WDR64: variants seen among roughly 807,000 people sequenced by gnomAD.
The protein encoded by WDR64 is WD repeat domain 64.
A neutral mutation model predicts 139.3 loss-of-function variants in WDR64; 112 were observed. The observed-to-expected ratio is 0.80, with a 90% confidence interval of 0.69 to 0.94. The LOEUF (loss-of-function observed/expected upper bound fraction) is 0.94. Among genes scored for constraint, WDR64 ranks in the 40% least tolerant of loss-of-function variants. The probability of loss-of-function intolerance (pLI) is 0.00; values close to 1 mark genes in which losing one functional copy is unlikely to be tolerated. For missense variants in WDR64, 1,206 were observed against 1,293.1 expected, an observed-to-expected ratio of 0.93 and a Z score of 1.03; for synonymous variants, 444 against 437.7, an observed-to-expected ratio of 1.01 and a Z score of -0.18.
intron 25 of WDR64, among the ~76,000 whole-genome samples, chr1:241,794,776 G>A (rs548439640): frequency 3.4e-4 from 51 of 152,020 alleles, no homozygotes; most frequent in African/African-American, 1.2e-3. Flanking sequence ...GAAAGTGCTG[G>A]GATTACAGGC....
chr1:241,654,421 T>C (rs372766552), intron 1 of WDR64, among the ~76,000 whole-genome samples: 96 of 152,388 alleles, frequency 6.3e-4, no homozygotes, highest in African/African-American at 1.9e-3. Flanking sequence ...TAAGCTAATA[T>C]AGTTGCCAAA....
At chr1:241,661,281 A>G (rs1157111852) in intron 2 of WDR64, among the ~76,000 whole-genome samples, 1 of 152,002 alleles carries the variant, frequency 6.6e-6, no homozygotes, top group African/African-American at 2.4e-5. Flanking sequence ...ACACAGGAAA[A>G]ATACATCTCT....
intron 15 of WDR64, among the ~76,000 whole-genome samples, chr1:241,762,219 C>T (rs897558780): frequency 4.6e-5 from 7 of 152,136 alleles, no homozygotes; most frequent in Non-Finnish European, 8.8e-5. Context: ...ACTGTATTCA[C>T]CGGCATGAAA....
At chr1:241,777,215 T>G (rs770829995) in intron 21 of WDR64, among the ~76,000 whole-genome samples, 6 of 151,704 alleles carry the variant, frequency 4.0e-5, no homozygotes, top group Non-Finnish European at 7.4e-5. Flanking sequence ...CTCAGCCTCC[T>G]GAGTAGCTAA....
intron 8 of WDR64, among the ~76,000 whole-genome samples, chr1:241,690,277 C>A (rs781327910): frequency 5.9e-5 from 9 of 152,002 alleles, no homozygotes; most frequent in African/African-American, 1.5e-4. Flanking sequence ...TAGAGATCAG[C>A]CTGACCAACA....
chr1:241,654,815 C>T (rs1665516023), intron 1 of WDR64, among the ~76,000 whole-genome samples: 1 of 152,134 alleles, frequency 6.6e-6, no homozygotes, highest in African/African-American at 2.4e-5. Context: ...TTGTTTCATG[C>T]ACAGAATTAT....
chr1:241,705,154 C>A (rs1162537760), intron 8 of WDR64, among the ~76,000 whole-genome samples: 5 of 152,182 alleles, frequency 3.3e-5, no homozygotes, highest in African/African-American at 9.7e-5. Flanking sequence ...GCTCAGAACT[C>A]ACAGGCTCAC....
intron 14 of WDR64, among the ~76,000 whole-genome samples, chr1:241,751,632 C>T (rs1161930091): frequency 3.3e-5 from 5 of 152,116 alleles, no homozygotes; most frequent in African/African-American, 7.2e-5. Flanking sequence ...CAGTCCTTAA[C>T]GGCTTAAATA....
At chr1:241,715,638 C>T (rs1417909465) in intron 9 of WDR64, among the ~76,000 whole-genome samples, 2 of 152,168 alleles carry the variant, frequency 1.3e-5, no homozygotes, top group African/African-American at 4.8e-5. Context: ...AAAAGCAGTA[C>T]GTAAATATAT....
At chr1:241,733,692 A>G (rs1464160919) in intron 10 of WDR64, among the ~76,000 whole-genome samples, 2 of 151,428 alleles carry the variant, frequency 1.3e-5, no homozygotes, top group Non-Finnish European at 2.9e-5. Flanking sequence ...TAACTTATGA[A>G]TGTTCCATTC....
chr1:241,743,594 C>T (rs556173948), intron 12 of WDR64, among the ~76,000 whole-genome samples: 9 of 152,256 alleles, frequency 5.9e-5, no homozygotes, highest in East Asian at 3.9e-4. Context: ...CTGTCCTCTC[C>T]GCCACAATAC....
intron 3 of WDR64, among the ~76,000 whole-genome samples, chr1:241,673,197 G>A (rs1666305229): frequency 7.3e-6 from 1 of 136,916 alleles, no homozygotes; most frequent in South Asian, 2.8e-4. Context: ...TGGGGTGGGG[G>A]GAGGGATAGC....
intron 10 of WDR64, among the ~76,000 whole-genome samples, chr1:241,726,738 T>C (rs1289675524): frequency 1.3e-5 from 2 of 152,098 alleles, no homozygotes; most frequent in Non-Finnish European, 2.9e-5. Flanking sequence ...TTTTAAAACA[T>C]AACGTGTCTA....
chr1:241,742,440 A>G (rs1669584614), intron 12 of WDR64, among the ~76,000 whole-genome samples: 1 of 152,196 alleles, frequency 6.6e-6, no homozygotes. Flanking sequence ...GAGTTGCAGT[A>G]AAGAAGCCAG....
chr1:241,769,310 G>A, intron 16 of WDR64, 94 bp from the exon 17 acceptor site: 1 of 914,332 alleles, frequency 1.1e-6, no homozygotes. Flanking sequence ...AGCATTTGAG[G>A]AATTGCCTAG....
intron 13 of WDR64, among the ~76,000 whole-genome samples, chr1:241,748,758 T>C (rs1669862330): frequency 6.6e-6 from 1 of 151,892 alleles, no homozygotes; most frequent in Admixed American, 6.6e-5. Flanking sequence ...GCTAACATGG[T>C]GAAACCTCGT....
intron 10 of WDR64, among the ~76,000 whole-genome samples, chr1:241,732,643 A>G (rs1392180999): frequency 6.6e-6 from 1 of 152,084 alleles, no homozygotes; most frequent in African/African-American, 2.4e-5. Flanking sequence ...AACATGGTGA[A>G]ACCCCGTCTC....
intron 2 of WDR64, among the ~76,000 whole-genome samples, chr1:241,667,682 C>T (rs1267093387): frequency 1.3e-5 from 2 of 152,092 alleles, no homozygotes; most frequent in Admixed American, 6.6e-5. Context: ...TACAAGCTGA[C>T]AGCCAGCTCA....
chr1:241,795,098 C>T, intron 25 of WDR64, 109 bp from the exon 26 acceptor site: 2 of 734,780 alleles, frequency 2.7e-6, no homozygotes, highest in Non-Finnish European at 4.3e-6. Context: ...CAGGGAAGTC[C>T]CTTAAGATCA....
Sources: allele counts gnomAD v4.1 joint callset (sites outside exome capture counted in the v4.1 genomes callset), GRCh38; gene constraint gnomAD v4.1.1; transcripts MANE v1.5; gene names NCBI Gene and HGNC (gene_info 2026-07-23, HGNC 2026-07-21).